The following SLC4A1 variants were observed in gnomAD, a reference collection of about 807,000 sequenced individuals.
SLC4A1 encodes band 3 anion transport protein.
A neutral mutation model predicts 93.1 loss-of-function variants in SLC4A1; 29 were observed. That is an observed-to-expected ratio of 0.31 (90% CI 0.23 to 0.42). The LOEUF (loss-of-function observed/expected upper bound fraction) is 0.42, where lower values mean the gene tolerates loss of function less well. Ranked by LOEUF, SLC4A1 falls within the 20% of genes least tolerant of loss-of-function variation. SLC4A1 has a pLI of 1.00. For missense variants in SLC4A1, 965 were observed against 1,190.1 expected (o/e 0.81, Z 2.78); for synonymous variants, 469 against 497.2 (o/e 0.94, Z 0.76).
At position 44,257,901 on chromosome 17, in the gene SLC4A1, G is replaced by C. The variant is rs750062389; in HGVS notation, c.1282+85C>G. 4.4e-6 allele frequency: 7 copies of C among 1,603,004 alleles called. 1 individual carries two copies. In the African/African-American group the frequency reaches 9.4e-5, roughly 21 times the overall value. On this transcript the variant is annotated intron_variant, in intron 11 of 19. Coordinates refer to ENST00000262418, the MANE Select transcript of SLC4A1 (RefSeq NM_000342.4). Reference sequence around the variant, plus strand: ...GGTCAGGCTGATGCAGGGGTCTGGAGGGTCAGACAGAGTCAGAAGTTGGGG... The same window carrying C: ...GGTCAGGCTGATGCAGGGGTCTGGACGGTCAGACAGAGTCAGAAGTTGGGG...
chr17:44,263,575 C>A (rs1033363091), intron 1 of SLC4A1, among the ~76,000 whole-genome samples: 2 of 152,048 alleles, frequency 1.3e-5, no homozygotes, highest in African/African-American at 4.8e-5. Flanking sequence ...TCCCGGACAC[C>A]CTCCCCCCAA....
intron 1 of SLC4A1, among the ~76,000 whole-genome samples, chr17:44,267,606 G>A (rs1203431442): frequency 1.3e-5 from 2 of 152,214 alleles, no homozygotes; most frequent in Non-Finnish European, 2.9e-5. Context: ...TGGGCGTGGA[G>A]CCAGGTGCCC....
chr17:44,260,753 C>A lies in SLC4A1; in HGVS notation c.231G>T (p.Glu77Asp). Residue 77 changes from glutamate (E) to aspartate (D), a missense_variant, in exon 5 of 20, where the codon GAG becomes GAT. By Grantham distance (45) the Glu-to-Asp change is conservative (BLOSUM62 2). Around this residue, in one of 2 missense-constraint regions of SLC4A1, gnomAD observed 195 missense variants for 183.5 expected, o/e 1.06. Transcript: ENST00000262418. ...DEKNQELRWM[E>D]AARWVQLEEN... is the part of the protein sequence containing the mutation. ...CCTCCAGTTGCACCCAGCGCGCCGCCTCCATCCATCTCAGCTCCTGGTTCT... is the reference window on the plus strand; with the variant it reads ...CCTCCAGTTGCACCCAGCGCGCCGCATCCATCCATCTCAGCTCCTGGTTCT... 6.2e-7 allele frequency: 1 copy of A among 1,614,114 alleles called. No homozygotes were observed. Among genetic ancestry groups the A allele is most frequent in the Non-Finnish European group, 8.5e-7 (1 of 1,180,046 alleles).
At chr17:44,261,929 G>A (rs1412856031) in intron 3 of SLC4A1, 1 of 1,135,148 alleles carries the variant, frequency 8.8e-7, no homozygotes, top group Non-Finnish European at 1.2e-6. Flanking sequence ...ACCTCTCCAA[G>A]GTGACGGCAG....
intron 1 of SLC4A1, among the ~76,000 whole-genome samples, chr17:44,265,184 C>A (rs565961020): frequency 3.1e-4 from 47 of 151,892 alleles, no homozygotes; most frequent in African/African-American, 8.0e-4. Flanking sequence ...AGCTCCTAGC[C>A]GCGACAGGGA....
At position 44,255,805 on chromosome 17, in the gene SLC4A1, G is replaced by C; in HGVS notation, c.1668C>G (p.Asn556Lys). The C allele has an allele frequency of 6.2e-7, 1 of 1,614,144 alleles. No individual in the cohort carries two copies. Among genetic ancestry groups the C allele is most frequent in the East Asian group, 2.2e-5 (1 of 44,882 alleles). ...CCTGAGGTTTGGGCACCATCAACAC[G>C]TTGTAGTTATAAGTCTTCTGTAGTG... ...DHPLQKTYNY[N>K]VLMVPKPQGP... The change falls in exon 14 of 20, where the codon AAC becomes AAG. Residue 556 changes from asparagine to lysine, a missense_variant. This residue lies in a region of SLC4A1 where 770 missense variants were observed against 1,006.6 expected (regional missense o/e 0.76). Transcript: ENST00000262418.
chr17:44,262,998 A>G (rs1320722022), intron 1 of SLC4A1, 64 bp from the exon 2 acceptor site: 3 of 1,365,190 alleles, frequency 2.2e-6, no homozygotes, highest in African/African-American at 1.4e-5. Context: ...GTCCTCCTCC[A>G]GAGGGGGCCA....
chr17:44,255,955 T>C, intron 13 of SLC4A1, 109 bp from the exon 14 acceptor site: 1 of 998,018 alleles, frequency 1.0e-6, no homozygotes, highest in Non-Finnish European at 1.6e-6. Flanking sequence ...CAGTCATCTA[T>C]TAATTCATCA....
chr17:44,263,953 G>A (rs1232371202), intron 1 of SLC4A1, among the ~76,000 whole-genome samples: 3 of 151,984 alleles, frequency 2.0e-5, no homozygotes, highest in Non-Finnish European at 4.4e-5. Flanking sequence ...AAAAAAATCT[G>A]TGTGTAGAAA....
At chr17:44,267,220 A>T (rs1054154510) in intron 1 of SLC4A1, among the ~76,000 whole-genome samples, 1 of 152,146 alleles carries the variant, frequency 6.6e-6, no homozygotes, top group African/African-American at 2.4e-5. Flanking sequence ...TGTTAAGATC[A>T]CGGACTCTGC....
chr17:44,256,110 C>T (rs1024881772), intron 13 of SLC4A1, among the ~76,000 whole-genome samples: 9 of 152,122 alleles, frequency 5.9e-5, no homozygotes, highest in African/African-American at 1.2e-4. Flanking sequence ...TCCATTCATC[C>T]GTCCATCATC....
chr17:44,248,666 C>T lies in SLC4A1; in HGVS notation c.*1792G>A, dbSNP rs143785442. 1.8e-3 allele frequency: 277 copies of T among 154,394 alleles called. No individual in the cohort carries two copies. Among genetic ancestry groups the T allele is most frequent in the Middle Eastern group, 0.016 (5 of 304 alleles). 9.6% of individuals were successfully genotyped at this position (154,394 alleles called of 1,614,324 possible). ...ACCATTATCATCCCCATTTTACAGA[C>T]GAGGAAACTGAACTGTAGCATGGGC... On this transcript the variant is annotated 3_prime_UTR_variant, in exon 20 of 20. Coordinates refer to ENST00000262418, the MANE Select transcript of SLC4A1 (RefSeq NM_000342.4).
chr17:44,257,211 T>C, intron 13 of SLC4A1, 139 bp downstream of exon 13: 1 of 808,640 alleles, frequency 1.2e-6, no homozygotes, highest in Non-Finnish European at 2.2e-6. Context: ...AGGCTGGTCT[T>C]GAACTCCTGA....
chr17:44,258,243 C>T lies in SLC4A1; in HGVS notation c.1088-63G>A. The T allele has an allele frequency of 6.5e-7, 1 of 1,532,030 alleles. No individual in the cohort carries two copies. The highest frequency in any genetic ancestry group is 1.1e-5 in the South Asian group (1 of 89,436). The allele number at this position is 1,532,030 out of a possible 1,614,324, so 94.9% of individuals were successfully genotyped here. A position where few individuals can be genotyped will look rare whatever the true frequency, so the allele number is the denominator to read the frequency against. ...CTGGAGGAGGTGAGGGGAAAGGGGA[C>T]TGGAGGGTGTAGGGGAGATTGTCTG... On this transcript the variant is annotated intron_variant, in intron 10 of 19. Transcript: ENST00000262418. This position sits in a 1 kb window ranked among gnomAD's most constrained non-coding sequence, Gnocchi z 6.1.
chr17:44,257,422 G>A lies in SLC4A1; in HGVS notation c.1554C>T (p.Arg518=), dbSNP rs370284925. 8 of 1,614,026 alleles carry A rather than the reference G, an allele frequency of 5.0e-6. No homozygotes were observed. In the African/African-American group the frequency reaches 8.0e-5, roughly 16 times the overall value. Residue 518 remains arginine, a synonymous_variant, in exon 13 of 20, where the codon CGC becomes CGT. Coordinates refer to ENST00000262418, the MANE Select transcript of SLC4A1 (RefSeq NM_000342.4). Reference sequence around the variant, plus strand: ...GGAAGGAGAAGATCTCCTGGGTATAGCGGGAGATGAAGCGGACCAGGAAGC... The same window carrying A: ...GGAAGGAGAAGATCTCCTGGGTATAACGGGAGATGAAGCGGACCAGGAAGC... ...EGSFLVRFIS[R]YTQEIFSFLI... is the part of the protein sequence containing the mutation.
intron 17 of SLC4A1, 132 bp from the exon 18 acceptor site, chr17:44,251,720 CTT>C (rs67064853): frequency 1.2e-3 from 478 of 392,232 alleles, no homozygotes; most frequent in Middle Eastern, 3.3e-3. Flanking sequence ...CTTTTCTTTT[CTT>C]TTTTTTTTTT....
intron 14 of SLC4A1, 49 bp from the exon 15 acceptor site, chr17:44,255,345 C>T (rs2047379755): frequency 8.5e-6 from 12 of 1,404,666 alleles, no homozygotes; most frequent in South Asian, 1.2e-5. Context: ...CACTCCCCAC[C>T]TCCTGCCTTC....
At chr17:44,265,363 A>AT (rs1455127656) in intron 1 of SLC4A1, among the ~76,000 whole-genome samples, 1 of 151,842 alleles carries the variant, frequency 6.6e-6, no homozygotes, top group Non-Finnish European at 1.5e-5. Flanking sequence ...TAGCCTAAAA[A>AT]CACAGGTGAG....
intron 19 of SLC4A1, among the ~76,000 whole-genome samples, chr17:44,250,862 C>T (rs556264884): frequency 1.3e-5 from 2 of 152,254 alleles, no homozygotes; most frequent in East Asian, 1.9e-4. Flanking sequence ...CCAAATGACT[C>T]GGAAGACGGC....
Sources: allele counts gnomAD v4.1 joint callset (sites outside exome capture counted in the v4.1 genomes callset), GRCh38; gene constraint gnomAD v4.1.1; regional missense constraint gnomAD v4.1.1; non-coding constraint Gnocchi (gnomAD v3.1); transcripts MANE v1.5; gene names NCBI Gene and HGNC (gene_info 2026-07-23, HGNC 2026-07-21).